TCF7L1: variants seen among roughly 807,000 people sequenced by gnomAD.
The protein encoded by TCF7L1 is transcription factor 7 like 1, also known as transcription factor 7-like 1.
Under a neutral mutation model 63.7 loss-of-function variants are expected in TCF7L1, and 18 were observed. That is an observed-to-expected ratio of 0.28 (90% CI 0.20 to 0.42). The LOEUF is 0.42. Among genes scored for constraint, TCF7L1 ranks in the 10% least tolerant of loss-of-function variants. The pLI, the probability that TCF7L1 is intolerant of heterozygous loss-of-function variation, is 1.00. For missense variants in TCF7L1, 654 were observed against 779.3 expected, an observed-to-expected ratio of 0.84 and a Z score of 1.91; for synonymous variants, 355 against 340.9, an observed-to-expected ratio of 1.04 and a Z score of -0.46.
At chr2:85,206,570 C>T (rs1199741839) in intron 3 of TCF7L1, among the ~76,000 whole-genome samples, 2 of 152,218 alleles carry the variant, frequency 1.3e-5, no homozygotes, top group Non-Finnish European at 2.9e-5. Context: ...AATCTCACAG[C>T]TAGCATGTGG....
chr2:85,239,427 C>T (rs536373167), intron 3 of TCF7L1, among the ~76,000 whole-genome samples: 2 of 152,222 alleles, frequency 1.3e-5, no homozygotes, highest in East Asian at 3.9e-4. Context: ...TGTGCAAACT[C>T]ATCACAGTGT....
At chr2:85,293,684 G>A (rs1681776553) in intron 4 of TCF7L1, among the ~76,000 whole-genome samples, 1 of 152,194 alleles carries the variant, frequency 6.6e-6, no homozygotes, top group Non-Finnish European at 1.5e-5. Context: ...GCTACATCCT[G>A]ACCTATTGAT....
chr2:85,304,098 GCCCAGGA>G, intron 6 of TCF7L1, 101 bp downstream of exon 6: 1 of 1,196,198 alleles, frequency 8.4e-7, no homozygotes, highest in Admixed American at 1.9e-5. Flanking sequence ...TCAGAGGCAA[GCCCAGGA>G]CTAGGCCTCC....
chr2:85,225,365 G>T (rs1409717499), intron 3 of TCF7L1, among the ~76,000 whole-genome samples: 1 of 152,112 alleles, frequency 6.6e-6, no homozygotes, highest in South Asian at 2.1e-4. Flanking sequence ...AATTACCTTG[G>T]GCAGTATGGC....
At chr2:85,156,606 G>T (rs1458480458) in intron 3 of TCF7L1, among the ~76,000 whole-genome samples, 1 of 152,228 alleles carries the variant, frequency 6.6e-6, no homozygotes, top group Non-Finnish European at 1.5e-5. Context: ...CCGTTTTACA[G>T]ATGTAAAGAA....
At chr2:85,251,467 A>G (rs1203328526) in intron 3 of TCF7L1, among the ~76,000 whole-genome samples, 1 of 152,156 alleles carries the variant, frequency 6.6e-6, no homozygotes, top group Non-Finnish European at 1.5e-5. Flanking sequence ...GGCTTTTTCT[A>G]GCAGCTGTGA....
At chr2:85,263,442 A>G (rs962498636) in intron 3 of TCF7L1, among the ~76,000 whole-genome samples, 1 of 152,024 alleles carries the variant, frequency 6.6e-6, no homozygotes, top group African/African-American at 2.4e-5. Context: ...AAGGGGAACA[A>G]TTGGAGAGAC....
chr2:85,285,565 C>T (rs375966992), intron 4 of TCF7L1, among the ~76,000 whole-genome samples: 70 of 152,372 alleles, frequency 4.6e-4, no homozygotes, highest in African/African-American at 1.6e-3. Context: ...TGAACAAGCA[C>T]TCCACACCTC....
At chr2:85,241,900 T>C (rs534559189) in intron 3 of TCF7L1, among the ~76,000 whole-genome samples, 14 of 152,226 alleles carry the variant, frequency 9.2e-5, no homozygotes, top group South Asian at 2.1e-4. Flanking sequence ...TGGACTCTAT[T>C]TGTATTTCCT....
intron 7 of TCF7L1, 28 bp from the exon 8 acceptor site, chr2:85,305,232 T>A (rs1475117377): frequency 8.1e-6 from 13 of 1,614,034 alleles, no homozygotes; most frequent in African/African-American, 2.7e-5. Context: ...AACCCCTCTG[T>A]TGCCATTTGT....
Position 85,306,082 on chromosome 2 carries a change from T to C in TCF7L1, c.990-124T>C, listed in dbSNP as rs1682101450. ...TGTTGAGTGCAGCCATGGGGCCACT[T>C]GAATTAGCATCCAGGCAGCCCGCGC... On this transcript the variant is annotated intron_variant, in intron 8 of 11. Transcript: ENST00000282111. The surrounding 1 kb of genome is among the most constrained non-coding windows in gnomAD (Gnocchi z 4.3). The C allele has an allele frequency of 8.5e-7, 1 of 1,173,870 alleles. No individual in the cohort carries two copies. 72.7% of individuals were successfully genotyped at this position (1,173,870 alleles called of 1,614,324 possible).
intron 3 of TCF7L1, among the ~76,000 whole-genome samples, chr2:85,148,581 CTG>C (rs1677933852): frequency 6.6e-6 from 1 of 152,084 alleles, no homozygotes; most frequent in Non-Finnish European, 1.5e-5. Flanking sequence ...TCTGAATGGA[CTG>C]TGTTTTAAAA....
intron 3 of TCF7L1, chr2:85,166,915 T>A (rs1457448547): frequency 6.6e-6 from 1 of 152,302 alleles, no homozygotes; most frequent in African/African-American, 2.4e-5. Context: ...TTTTTCTTTT[T>A]TCAGACGGAG....
intron 3 of TCF7L1, among the ~76,000 whole-genome samples, chr2:85,151,636 A>G (rs940669784): frequency 6.6e-6 from 1 of 152,220 alleles, no homozygotes; most frequent in African/African-American, 2.4e-5. Context: ...CCAACTCTTT[A>G]GTTACCTCAG....
chr2:85,155,741 T>C (rs1310645464), intron 3 of TCF7L1, among the ~76,000 whole-genome samples: 1 of 152,108 alleles, frequency 6.6e-6, no homozygotes, highest in Non-Finnish European at 1.5e-5. Flanking sequence ...CCACAGAGAA[T>C]CAGCCAGGAT....
intron 4 of TCF7L1, among the ~76,000 whole-genome samples, chr2:85,301,742 G>C (rs138952567): frequency 2.6e-5 from 4 of 152,182 alleles, no homozygotes; most frequent in African/African-American, 9.7e-5. Flanking sequence ...GAGGTCTAAT[G>C]GGGGCAACTC....
rs1309352798 is a variant in TCF7L1 at position 85,259,111 on chromosome 2, T to C, written c.442-24384T>C. On this transcript the variant is annotated intron_variant, in intron 3 of 11. Transcript: ENST00000282111. ...AGCTGAGGCCACCTCCCAAGACACATTGTCATTCTGTCCCCCACAGCACCA... is the reference window on the plus strand; with the variant it reads ...AGCTGAGGCCACCTCCCAAGACACACTGTCATTCTGTCCCCCACAGCACCA... Among the ~76,000 whole-genome samples the C allele has an allele frequency of 2.0e-5, 3 of 152,124 alleles. No individual in the cohort carries two copies. In the East Asian group the frequency reaches 5.8e-4, roughly 29 times the overall value.
chr2:85,291,161 C>T (rs1185961886), intron 4 of TCF7L1, among the ~76,000 whole-genome samples: 1 of 152,256 alleles, frequency 6.6e-6, no homozygotes, highest in African/African-American at 2.4e-5. Flanking sequence ...CGTCCAGCCA[C>T]ACCATTGGTG....
chr2:85,268,013 A>C (rs529153129), intron 3 of TCF7L1, among the ~76,000 whole-genome samples: 1 of 152,360 alleles, frequency 6.6e-6, no homozygotes, highest in South Asian at 2.1e-4. Context: ...CAAGGCCCCC[A>C]GCTACAAAAG....
Sources: allele counts gnomAD v4.1 joint callset (sites outside exome capture counted in the v4.1 genomes callset), GRCh38; gene constraint gnomAD v4.1.1; non-coding constraint Gnocchi (gnomAD v3.1); transcripts MANE v1.5; gene names NCBI Gene and HGNC (gene_info 2026-07-23, HGNC 2026-07-21).